Variants in CFAP299 observed in about 807,000 individuals in gnomAD.
CFAP299 encodes cilia and flagella associated protein 299, also known as cilia- and flagella-associated protein 299.
A neutral mutation model predicts 27.0 loss-of-function variants in CFAP299; 21 were observed. The observed-to-expected ratio is 0.78, with a 90% CI of 0.55 to 1.12. The LOEUF (loss-of-function observed/expected upper bound fraction) is 1.12, where lower values mean the gene tolerates loss of function less well. CFAP299 is among the 50% of genes most tolerant of loss of function. The probability of loss-of-function intolerance (pLI) is 0.00; values close to 1 mark genes in which losing one functional copy is unlikely to be tolerated. For missense variants in CFAP299, 310 were observed against 276.6 expected (o/e 1.12, Z -0.86); for synonymous variants, 104 against 98.1 (o/e 1.06, Z -0.36).
intron 3 of CFAP299, among the ~76,000 whole-genome samples, chr4:80,669,194 TC>T (rs1741327584): frequency 7.9e-6 from 1 of 127,032 alleles, no homozygotes; most frequent in Non-Finnish European, 1.6e-5. Context: ...TAAGTCTTAC[TC>T]TGTTGGCCAG....
intron 1 of CFAP299, among the ~76,000 whole-genome samples, chr4:80,356,052 T>A (rs1723259357): frequency 6.6e-6 from 1 of 152,198 alleles, no homozygotes; most frequent in Non-Finnish European, 1.5e-5. Flanking sequence ...ATTTTCTGCT[T>A]ATGGCTAGCC....
chr4:80,515,192 T>A (rs1174534927), intron 2 of CFAP299, among the ~76,000 whole-genome samples: 1 of 152,178 alleles, frequency 6.6e-6, no homozygotes, highest in African/African-American at 2.4e-5. Context: ...TGATTTTCCA[T>A]TGAACAAGAT....
At chr4:80,892,095 T>C (rs182445282) in intron 4 of CFAP299, among the ~76,000 whole-genome samples, 67 of 152,206 alleles carry the variant, frequency 4.4e-4, no homozygotes, top group Non-Finnish European at 7.9e-4. Context: ...TCACATTATC[T>C]GACTTCAAAT....
chr4:80,773,694 G>A (rs1417770640), intron 3 of CFAP299, among the ~76,000 whole-genome samples: 3 of 151,850 alleles, frequency 2.0e-5, no homozygotes, highest in Non-Finnish European at 4.4e-5. Context: ...AAATTTTTTT[G>A]TAATAATTTG....
intron 1 of CFAP299, among the ~76,000 whole-genome samples, chr4:80,345,229 A>G (rs1192312637): frequency 4.6e-5 from 7 of 152,176 alleles, no homozygotes. Context: ...ATGATCCTAT[A>G]TCTAGAAAAT....
intron 3 of CFAP299, among the ~76,000 whole-genome samples, chr4:80,814,187 G>A (rs1224286912): frequency 6.6e-6 from 1 of 151,988 alleles, no homozygotes; most frequent in Non-Finnish European, 1.5e-5. Flanking sequence ...GTTTGAACAG[G>A]TTGAACTCTA....
intron 2 of CFAP299, among the ~76,000 whole-genome samples, chr4:80,390,491 CTATA>C (rs78737603): frequency 7.9e-6 from 1 of 126,054 alleles, no homozygotes; most frequent in African/African-American, 3.4e-5. Flanking sequence ...CTCTCTCTCT[CTATA>C]TATATGTATA....
At chr4:80,457,920 T>C (rs1170855734) in intron 2 of CFAP299, among the ~76,000 whole-genome samples, 2 of 152,192 alleles carry the variant, frequency 1.3e-5, no homozygotes, top group African/African-American at 2.4e-5. Flanking sequence ...ATCTGCCTTC[T>C]ACTTTGAGAC....
intron 2 of CFAP299, among the ~76,000 whole-genome samples, chr4:80,507,245 T>C (rs1353785634): frequency 6.6e-6 from 1 of 152,118 alleles, no homozygotes; most frequent in East Asian, 1.9e-4. Flanking sequence ...TTGCCAGAGA[T>C]GCCTGAAGGC....
intron 3 of CFAP299, among the ~76,000 whole-genome samples, chr4:80,800,745 CA>C (rs1728528430): frequency 4.5e-5 from 1 of 22,464 alleles, no homozygotes; most frequent in Non-Finnish European, 8.0e-5. Context: ...TATATATAAT[CA>C]GTGTGTGTGT....
At chr4:80,425,506 T>C (rs1329630211) in intron 2 of CFAP299, among the ~76,000 whole-genome samples, 1 of 152,218 alleles carries the variant, frequency 6.6e-6, no homozygotes, top group East Asian at 1.9e-4. Context: ...TTCCTTTTCC[T>C]TGGGGAAGGA....
At position 80,480,559 on chromosome 4, in the gene CFAP299, A is replaced by G. The variant is rs139962744; in HGVS notation, c.243-102534A>G. Among the ~76,000 whole-genome samples the G allele has an allele frequency of 5.0e-3, 765 of 152,120 alleles. 3 individuals carry two copies. Among genetic ancestry groups the G allele is most frequent in the Middle Eastern group, 0.017 (5 of 294 alleles). ...TTCAAGCATTTACAAGAAATGGTCC[A>G]AGTTAAGTTCCACTTAGGTTTGCAA... is the stretch of plus-strand genomic sequence containing the variant. On this transcript the variant is annotated intron_variant, in intron 2 of 5. Coordinates refer to ENST00000358105, the MANE Select transcript of CFAP299 (RefSeq NM_152770.3).
intron 3 of CFAP299, among the ~76,000 whole-genome samples, chr4:80,745,089 A>G (rs563165218): frequency 6.6e-6 from 1 of 151,092 alleles, no homozygotes; most frequent in South Asian, 2.1e-4. Flanking sequence ...TGTTTCACAC[A>G]CAAAAAATGA....
At chr4:80,657,561 G>T (rs1361581363) in intron 3 of CFAP299, among the ~76,000 whole-genome samples, 1 of 151,960 alleles carries the variant, frequency 6.6e-6, no homozygotes, top group African/African-American at 2.4e-5. Flanking sequence ...TATTTCTGAG[G>T]CCTCTTTTCT....
chr4:80,738,305 T>C (rs1273855136), intron 3 of CFAP299, among the ~76,000 whole-genome samples: 1 of 152,178 alleles, frequency 6.6e-6, no homozygotes, highest in Admixed American at 6.5e-5. Flanking sequence ...GTCTAGGAGA[T>C]CTGTCCAATG....
chr4:80,949,558 G>A (rs1578261609), intron 5 of CFAP299, among the ~76,000 whole-genome samples: 1 of 145,468 alleles, frequency 6.9e-6, no homozygotes, highest in South Asian at 2.2e-4. Context: ...AAAAAAAAAA[G>A]AAGCAGGATC....
At chr4:80,514,554 C>A (rs1732488627) in intron 2 of CFAP299, among the ~76,000 whole-genome samples, 1 of 151,994 alleles carries the variant, frequency 6.6e-6, no homozygotes, top group Admixed American at 6.6e-5. Flanking sequence ...CAAGCCCTTA[C>A]CAAATAAAAA....
At chr4:80,411,336 A>G (rs142960187) in intron 2 of CFAP299, among the ~76,000 whole-genome samples, 25 of 152,288 alleles carry the variant, frequency 1.6e-4, no homozygotes, top group African/African-American at 5.3e-4. Flanking sequence ...GTTGTCCTCA[A>G]TCATCCTCAA....
intron 3 of CFAP299, among the ~76,000 whole-genome samples, chr4:80,700,237 C>T (rs755508616): frequency 2.0e-5 from 3 of 151,986 alleles, no homozygotes; most frequent in Non-Finnish European, 4.4e-5. Flanking sequence ...AAGTTACTTA[C>T]CCTTGTTCTT....
Sources: gnomAD v4.1 joint callset for allele counts (sites outside exome capture counted in the v4.1 genomes callset) on GRCh38, gnomAD v4.1.1 for gene constraint, MANE v1.5 for transcripts, NCBI Gene and HGNC (gene_info 2026-07-23, HGNC 2026-07-21) for gene names.